The following PCDHGA9 variants were observed in gnomAD, a reference collection of about 807,000 sequenced individuals.
The protein encoded by PCDHGA9 is protocadherin gamma subfamily A, 9.
PCDHGA9 carries 37 observed loss-of-function variants against 62.5 expected under a neutral mutation model. The observed-to-expected ratio is 0.59, with a 90% CI of 0.46 to 0.78. The LOEUF (loss-of-function observed/expected upper bound fraction) is 0.78, where lower values mean the gene tolerates loss of function less well. Ranked by LOEUF, PCDHGA9 falls within the 30% of genes least tolerant of loss-of-function variation. The probability of loss-of-function intolerance (pLI) is 0.00; values close to 1 mark genes in which losing one functional copy is unlikely to be tolerated. For missense variants in PCDHGA9, 1,138 were observed against 1,166.2 expected (o/e 0.98, Z 0.35); for synonymous variants, 459 against 484.6 (o/e 0.95, Z 0.69).
chr5:141,423,156 C>G, intron 1 of PCDHGA9: 1 of 1,613,388 alleles, frequency 6.2e-7, no homozygotes, highest in Non-Finnish European at 8.5e-7. Flanking sequence ...AGCAGAGCCT[C>G]GTGGTGGCCG....
intron 1 of PCDHGA9, chr5:141,429,265 T>C (rs1297239650): frequency 6.6e-6 from 1 of 152,148 alleles, no homozygotes; most frequent in Non-Finnish European, 1.5e-5. Flanking sequence ...GAGGAATAAA[T>C]TTTTTTCCTG....
chr5:141,438,623 TATATATATATATACAC>T (rs1207200307), intron 1 of PCDHGA9, among the ~76,000 whole-genome samples: 21 of 42,842 alleles, frequency 4.9e-4, no homozygotes, highest in South Asian at 2.6e-3. Flanking sequence ...TATATATATA[TATATATATATATACAC>T]ACACACACAC....
chr5:141,487,304 C>T lies in PCDHGA9; in HGVS notation c.2425-7503C>T. The T allele has an allele frequency of 6.2e-7, 1 of 1,614,190 alleles. No homozygotes were observed. The highest frequency in any genetic ancestry group is 8.5e-7 in the Non-Finnish European group (1 of 1,180,042). On this transcript the variant is annotated intron_variant, in intron 1 of 3. Transcript: ENST00000573521. This position sits in a 1 kb window ranked among gnomAD's most constrained non-coding sequence, Gnocchi z 5.0. ...TGTCTCCTTTGGCTCATTCGTGGCA[C>T]TACTCTCTAAGTGTCTTCGTGGGGC...
chr5:141,511,730 T>C lies in PCDHGA9; in HGVS notation c.*557T>C, dbSNP rs772107999. 5.1e-5 allele frequency: 9 copies of C among 177,790 alleles called. No homozygotes were observed. The highest frequency in any genetic ancestry group is 5.3e-5 in the Admixed American group (1 of 18,706). The allele number at this position is 177,790 out of a possible 1,614,324, so 11.0% of individuals were successfully genotyped here. On this transcript the variant is annotated 3_prime_UTR_variant, in exon 4 of 4. Transcript: ENST00000573521. ...ACCTCCTTCCAGAGCCCAAGATCAA[T>C]GCTCAAGTTTTGGAGGACATGATCA...
At chr5:141,419,939 G>GTGGCCT (rs780963377) in intron 1 of PCDHGA9, 3 of 1,614,054 alleles carry the variant, frequency 1.9e-6, no homozygotes, top group Admixed American at 1.7e-5. Flanking sequence ...TTACCTGGTG[G>GTGGCCT]TGGCCTTGGC....
chr5:141,507,368 T>C (rs1446319165), intron 3 of PCDHGA9: 2 of 152,094 alleles, frequency 1.3e-5, no homozygotes, highest in Non-Finnish European at 2.9e-5. Context: ...GGGAGCCCTG[T>C]ACTTTTATTT....
chr5:141,415,105 C>T (rs1472993181), intron 1 of PCDHGA9: 1 of 1,613,652 alleles, frequency 6.2e-7, no homozygotes, highest in African/African-American at 1.3e-5. Flanking sequence ...CGCGCTCAAG[C>T]AAAGCCTCGT....
At chr5:141,407,512 T>G (rs910710605) in intron 1 of PCDHGA9, among the ~76,000 whole-genome samples, 3 of 152,192 alleles carry the variant, frequency 2.0e-5, no homozygotes, top group Non-Finnish European at 4.4e-5. Flanking sequence ...TCTTAGGCTA[T>G]GTAGGACTTA....
chr5:141,501,945 T>G (rs1318749969), intron 2 of PCDHGA9, among the ~76,000 whole-genome samples: 5 of 152,106 alleles, frequency 3.3e-5, no homozygotes, highest in African/African-American at 1.2e-4. Context: ...CACTGCTCCC[T>G]GTGACAGGTC....
chr5:141,430,997 C>G, intron 1 of PCDHGA9: 1 of 1,613,926 alleles, frequency 6.2e-7, no homozygotes. Context: ...CCTGAATCCG[C>G]GCAGCGGCAG....
chr5:141,503,214 T>C (rs994291483), intron 2 of PCDHGA9, among the ~76,000 whole-genome samples: 7 of 152,096 alleles, frequency 4.6e-5, no homozygotes, highest in African/African-American at 1.7e-4. Flanking sequence ...GTGCCCACCA[T>C]GAGCACCGTA....
intron 1 of PCDHGA9, chr5:141,413,382 CAT>C (rs752944261): frequency 2.5e-6 from 4 of 1,613,998 alleles, no homozygotes; most frequent in Non-Finnish European, 3.4e-6. Flanking sequence ...GCGGAGTCCG[CAT>C]AGTCTCCAGA....
In PCDHGA9 at chr5:141,490,673, C is replaced by T; in HGVS notation, c.2425-4134C>T. ...GGCTCCCTTCTTTGCACTGTGGCTG[C>T]CTCAGATCCAGACACTGGGGATAAT... On this transcript the variant is annotated intron_variant, in intron 1 of 3. Coordinates refer to ENST00000573521, the MANE Select transcript of PCDHGA9 (RefSeq NM_018921.3). This position sits in a 1 kb window ranked among gnomAD's most constrained non-coding sequence, Gnocchi z 5.4. 1.2e-6 allele frequency: 2 copies of T among 1,614,126 alleles called. No homozygotes were observed. The highest frequency in any genetic ancestry group is 1.7e-6 in the Non-Finnish European group (2 of 1,179,952).
At chr5:141,409,437 G>A in intron 1 of PCDHGA9, 1 of 1,613,968 alleles carries the variant, frequency 6.2e-7, no homozygotes, top group Non-Finnish European at 8.5e-7. Context: ...GCCCTGGACC[G>A]AGAGCAGACA....
intron 1 of PCDHGA9, among the ~76,000 whole-genome samples, chr5:141,460,793 A>T (rs954317795): frequency 2.0e-4 from 30 of 152,024 alleles, no homozygotes; most frequent in Non-Finnish European, 2.9e-5. Flanking sequence ...TATACACACA[A>T]AGTATATATA....
chr5:141,409,200 T>C, intron 1 of PCDHGA9: 2 of 1,614,020 alleles, frequency 1.2e-6, no homozygotes, highest in Non-Finnish European at 1.7e-6. Flanking sequence ...CAGTGTAAAG[T>C]AATCATAGAA....
At position 141,444,986 on chromosome 5, in the gene PCDHGA9, T is replaced by C. The variant is rs990862582; in HGVS notation, c.2424+39610T>C. On this transcript the variant is annotated intron_variant, in intron 1 of 3. Transcript: ENST00000573521. ...TGACACTTCAAATCCATGAACATGG[T>C]ATATATTTCCATTTAATTAGGTCTT... Among the ~76,000 whole-genome samples, 4 of 152,206 alleles carry C rather than the reference T, an allele frequency of 2.6e-5. No individual in the cohort carries two copies. The East Asian group carries it at 7.7e-4, about 29-fold the overall frequency.
At chr5:141,449,251 A>T (rs918418872) in intron 1 of PCDHGA9, among the ~76,000 whole-genome samples, 10 of 152,256 alleles carry the variant, frequency 6.6e-5, no homozygotes, top group Middle Eastern at 3.4e-3. Flanking sequence ...AGTTGCAAGA[A>T]TTGTACAAAG....
At chr5:141,510,277 A>C (rs1242709133) in intron 3 of PCDHGA9, among the ~76,000 whole-genome samples, 5 of 151,916 alleles carry the variant, frequency 3.3e-5, no homozygotes, top group Admixed American at 2.6e-4. Flanking sequence ...CATCTTAAAA[A>C]AAAAAAAAAA....
Sources: allele counts gnomAD v4.1 joint callset (sites outside exome capture counted in the v4.1 genomes callset), GRCh38; gene constraint gnomAD v4.1.1; non-coding constraint Gnocchi (gnomAD v3.1); transcripts MANE v1.5; gene names NCBI Gene and HGNC (gene_info 2026-07-23, HGNC 2026-07-21).